The following CPNE4 variants were observed in gnomAD, a reference collection of about 807,000 sequenced individuals.
CPNE4 encodes copine 4, also known as copine-4.
CPNE4 carries 25 observed loss-of-function variants against 67.9 expected under a neutral mutation model. The ratio of observed to expected loss-of-function variants is 0.37; its 90% CI spans 0.27 to 0.51. The LOEUF (loss-of-function observed/expected upper bound fraction) is 0.51. Ranked by LOEUF, CPNE4 falls within the 20% of genes least tolerant of loss-of-function variation. The pLI is 0.93. For missense variants in CPNE4, 464 were observed against 690.8 expected (o/e 0.67, Z 3.68); for synonymous variants, 242 against 244.9 (o/e 0.99, Z 0.11).
chr3:131,806,784 G>A (rs563347787), intron 2 of CPNE4, among the ~76,000 whole-genome samples: 19 of 152,244 alleles, frequency 1.2e-4, no homozygotes, highest in Non-Finnish European at 2.4e-4. Flanking sequence ...CCTTGCCTCT[G>A]GAGAACGAGG....
At chr3:131,856,756 C>G (rs1180107364) in intron 2 of CPNE4, among the ~76,000 whole-genome samples, 1 of 151,958 alleles carries the variant, frequency 6.6e-6, no homozygotes, top group Non-Finnish European at 1.5e-5. Context: ...ACATAGCAGG[C>G]ACTATTCTAA....
At chr3:131,693,386 C>A (rs931332964) in intron 5 of CPNE4, among the ~76,000 whole-genome samples, 7 of 151,778 alleles carry the variant, frequency 4.6e-5, no homozygotes, top group Admixed American at 1.3e-4. Context: ...TAAAATAAAC[C>A]TACTACATCA....
At chr3:131,905,548 A>C in intron 1 of CPNE4, 104 bp from the exon 2 acceptor site, 1 of 928,476 alleles carries the variant, frequency 1.1e-6, no homozygotes, top group Non-Finnish European at 1.6e-6. Context: ...TTTGACACAC[A>C]GTTTCAAACA....
At chr3:132,037,505 A>C, upstream of CPNE4, 1 of 1,408,312 alleles carries the variant, frequency 7.1e-7, no homozygotes, top group South Asian at 1.2e-5. Context: ...CCCGCCAGCC[A>C]CAGTCCCCTC....
At chr3:131,784,691 A>G (rs2083511932) in intron 2 of CPNE4, among the ~76,000 whole-genome samples, 1 of 152,068 alleles carries the variant, frequency 6.6e-6, no homozygotes, top group African/African-American at 2.4e-5. Context: ...GTCTTCCACA[A>G]TCTTTTTTAT....
intron 7 of CPNE4, among the ~76,000 whole-genome samples, chr3:131,631,589 G>T (rs57529358): frequency 0.28 from 41,789 of 151,860 alleles, 9,430 homozygotes; most frequent in African/African-American, 0.62. Context: ...ACGGAAAACC[G>T]GAAATTATTA....
chr3:131,781,251 C>A (rs2083426865), intron 2 of CPNE4, among the ~76,000 whole-genome samples: 1 of 152,052 alleles, frequency 6.6e-6, no homozygotes, highest in South Asian at 2.1e-4. Flanking sequence ...TTTACACTAA[C>A]GGTCTAGCTA....
intron 6 of CPNE4, among the ~76,000 whole-genome samples, chr3:131,675,714 T>C (rs980433568): frequency 1.3e-5 from 2 of 151,950 alleles, no homozygotes; most frequent in Non-Finnish European, 2.9e-5. Flanking sequence ...AGTGTATTTT[T>C]TGTAGTCTAA....
chr3:131,753,015 T>C (rs111788474), intron 2 of CPNE4, among the ~76,000 whole-genome samples: 4 of 151,254 alleles, frequency 2.6e-5, no homozygotes, highest in African/African-American at 9.7e-5. Context: ...AAATATAAAA[T>C]ATAAATTGTA....
intron 2 of CPNE4, among the ~76,000 whole-genome samples, chr3:131,855,139 A>G (rs1167430323): frequency 1.3e-5 from 2 of 151,936 alleles, no homozygotes; most frequent in African/African-American, 4.8e-5. Flanking sequence ...CTCAACGTTC[A>G]AGAAAATAGG....
At chr3:131,658,000 A>G (rs1040418103) in intron 7 of CPNE4, among the ~76,000 whole-genome samples, 8 of 152,144 alleles carry the variant, frequency 5.3e-5, no homozygotes, top group African/African-American at 1.4e-4. Context: ...TGATTTTTCT[A>G]TGCTCACCAA....
intron 1 of CPNE4, among the ~76,000 whole-genome samples, chr3:132,028,924 CTTT>C (rs67866239): frequency 1.4e-5 from 2 of 142,522 alleles, no homozygotes; most frequent in Non-Finnish European, 1.5e-5. Flanking sequence ...CTTAATTTTT[CTTT>C]TTTTTTTTTT....
At chr3:131,738,832 T>C (rs1029378168) in intron 2 of CPNE4, among the ~76,000 whole-genome samples, 2 of 151,480 alleles carry the variant, frequency 1.3e-5, no homozygotes, top group African/African-American at 4.8e-5. Flanking sequence ...TATGTACATA[T>C]TCATCATGTC....
chr3:131,739,869 A>C (rs1242088324), intron 2 of CPNE4, among the ~76,000 whole-genome samples: 1 of 152,228 alleles, frequency 6.6e-6, no homozygotes, highest in Non-Finnish European at 1.5e-5. Context: ...TTTCTGTTCC[A>C]GGTTTTTATT....
At chr3:131,727,458 C>T (rs897160053) in intron 2 of CPNE4, among the ~76,000 whole-genome samples, 1 of 144,800 alleles carries the variant, frequency 6.9e-6, no homozygotes, top group Non-Finnish European at 1.5e-5. Flanking sequence ...GAGCAAGACT[C>T]CGTCTCAAAA....
intron 2 of CPNE4, among the ~76,000 whole-genome samples, chr3:131,885,967 T>C (rs1469501014): frequency 6.6e-6 from 1 of 152,220 alleles, no homozygotes; most frequent in East Asian, 1.9e-4. Context: ...GAAAATCCCA[T>C]TTTTTGAAGA....
At chr3:131,862,983 T>C (rs80102323) in intron 2 of CPNE4, among the ~76,000 whole-genome samples, 48,353 of 149,302 alleles carry the variant, frequency 0.32, 8,316 homozygotes, top group African/African-American at 0.42. Context: ...CTTATGATAG[T>C]TTGCTGAGAA....
intron 5 of CPNE4, among the ~76,000 whole-genome samples, chr3:131,695,258 G>A (rs2081124438): frequency 6.6e-6 from 1 of 152,174 alleles, no homozygotes; most frequent in African/African-American, 2.4e-5. Context: ...GCTCAGCAAT[G>A]ACCAGGGTCC....
At chr3:131,605,471 C>T (rs768094656) in intron 7 of CPNE4, among the ~76,000 whole-genome samples, 4 of 151,964 alleles carry the variant, frequency 2.6e-5, no homozygotes, top group Non-Finnish European at 4.4e-5. Context: ...AAAGTCAATC[C>T]ACCCCAGCAT....
Sources: allele counts gnomAD v4.1 joint callset (sites outside exome capture counted in the v4.1 genomes callset), GRCh38; gene constraint gnomAD v4.1.1; transcripts MANE v1.5; gene names NCBI Gene and HGNC (gene_info 2026-07-23, HGNC 2026-07-21).